PDXP: variants seen among roughly 807,000 people sequenced by gnomAD.
The protein encoded by PDXP is pyridoxal phosphatase, also known as chronophin.
A neutral mutation model predicts 14.4 loss-of-function variants in PDXP; 15 were observed. The observed-to-expected ratio is 1.04, with a 90% CI of 0.70 to 1.60. PDXP has a LOEUF of 1.60. Among genes scored for constraint, PDXP ranks in the 40% most tolerant of loss-of-function variants. PDXP has a pLI of 0.00. For missense variants in PDXP, 413 were observed against 427.6 expected (o/e 0.97, Z 0.30); for synonymous variants, 233 against 205.6 (o/e 1.13, Z -1.14).
rs1462628140 is a variant in PDXP at position 37,665,825 on chromosome 22, A to G, written c.845A>G (p.Tyr282Cys). ...GGCCAGCACGACCTCGTGCCCCATT[A>G]CTATGTGGAGAGCATCGCAGACTTG... Reference protein sequence around the residue: ...AAGQHDLVPHYYVESIADLTE... With the variant: ...AAGQHDLVPHCYVESIADLTE... Residue 282 changes from tyrosine to cysteine, a missense_variant, in exon 2 of 2, where the codon TAC becomes TGC. Transcript: ENST00000215904. 4 of 1,613,902 alleles carry G rather than the reference A, an allele frequency of 2.5e-6. No individual in the cohort carries two copies. Among genetic ancestry groups the G allele is most frequent in the Middle Eastern group, 1.6e-4 (1 of 6,062 alleles).
At position 37,658,744 on chromosome 22, in the gene PDXP, A is replaced by C; in HGVS notation, c.-39A>C. On this transcript the variant is annotated 5_prime_UTR_variant, in exon 1 of 2. Transcript: ENST00000215904. Reference sequence around the variant, plus strand: ...CAGGGAGAGCGCGCCGTGCCCGCGGAGAGAGCGCGGCGCGGGAGGCCGGCG... The same window carrying C: ...CAGGGAGAGCGCGCCGTGCCCGCGGCGAGAGCGCGGCGCGGGAGGCCGGCG... The C allele has an allele frequency of 9.2e-7, 1 of 1,082,654 alleles. No individual in the cohort carries two copies. The highest frequency in any genetic ancestry group is 1.1e-6 in the Non-Finnish European group (1 of 876,180). 67.1% of individuals were successfully genotyped at this position (1,082,654 alleles called of 1,614,324 possible).
rs936268276 is a variant in PDXP, at chr22:37,658,776, C to A, written c.-7C>A. On this transcript the variant is annotated 5_prime_UTR_variant, in exon 1 of 2. Transcript: ENST00000215904. ...GCGGCGCGGGAGGCCGGCGGCCGGC[C>A]GGCTGCATGGCGCGCTGCGAGAGGC... 3.5e-5 allele frequency: 41 copies of A among 1,166,198 alleles called. No individual in the cohort carries two copies. The highest frequency in any genetic ancestry group is 4.2e-5 in the Non-Finnish European group (40 of 945,928). The allele number at this position is 1,166,198 out of a possible 1,614,324, so 72.2% of individuals were successfully genotyped here. A position where few individuals can be genotyped will look rare whatever the true frequency, so the allele number is the denominator to read the frequency against.
chr22:37,663,397 G>A (rs1388304476), intron 1 of PDXP, among the ~76,000 whole-genome samples: 3 of 151,630 alleles, frequency 2.0e-5, no homozygotes, highest in African/African-American at 4.8e-5. Context: ...GAAGTGCAGC[G>A]GCAAGATCAC....
chr22:37,664,411 T>G (rs1404371110), intron 1 of PDXP, among the ~76,000 whole-genome samples: 1 of 152,192 alleles, frequency 6.6e-6, no homozygotes, highest in Non-Finnish European at 1.5e-5. Context: ...TGACTCTTAA[T>G]AGTACCTTCC....
At chr22:37,661,041 A>G (rs1292748128) in intron 1 of PDXP, among the ~76,000 whole-genome samples, 3 of 152,152 alleles carry the variant, frequency 2.0e-5, no homozygotes, top group Non-Finnish European at 4.4e-5. Context: ...GCCTTAGGCT[A>G]TGCTATGAAA....
intron 1 of PDXP, among the ~76,000 whole-genome samples, chr22:37,659,687 C>G (rs1243913525): frequency 1.3e-5 from 2 of 152,188 alleles, no homozygotes; most frequent in Non-Finnish European, 2.9e-5. Context: ...AGGGTTGAAA[C>G]ACCATTCCCA....
At chr22:37,664,007 C>T (rs1433180855) in intron 1 of PDXP, among the ~76,000 whole-genome samples, 2 of 149,468 alleles carry the variant, frequency 1.3e-5, no homozygotes, top group South Asian at 2.1e-4. Flanking sequence ...CTCAGCTCAC[C>T]GCAGCCTCCG....
chr22:37,660,841 T>A, intron 1 of PDXP, among the ~76,000 whole-genome samples: 1 of 152,138 alleles, frequency 6.6e-6, no homozygotes, highest in East Asian at 1.9e-4. Flanking sequence ...TGCAGGGCAG[T>A]GATAATACAC....
chr22:37,660,377 C>T lies in PDXP; in HGVS notation c.574+1021C>T, dbSNP rs770944292. Among the ~76,000 whole-genome samples the T allele has an allele frequency of 2.0e-5, 3 of 152,196 alleles. No individual in the cohort carries two copies. In the East Asian group the frequency reaches 5.8e-4, roughly 29 times the overall value. On this transcript the variant is annotated intron_variant, in intron 1 of 1. Transcript: ENST00000215904. Reference sequence around the variant, plus strand: ...CAGGCTTCCCCTCCAACCCTCCAACCGCACCCCAATGATGGGTGGGGCAGA... The same window carrying T: ...CAGGCTTCCCCTCCAACCCTCCAACTGCACCCCAATGATGGGTGGGGCAGA...
At position 37,661,331 on chromosome 22, in the gene PDXP, AGTGTGGTGTGGTGTGGTGTGTGTGTGTG is replaced by A. The variant is rs1555890111; in HGVS notation, c.574+1991_574+2018del. Among the ~76,000 whole-genome samples the A allele has an allele frequency of 6.4e-5, 6 of 93,448 alleles. No individual in the cohort carries two copies. The South Asian group carries it at 2.1e-3, about 33-fold the overall frequency. The allele number at this position is 93,448 out of a possible 152,430, so 61.3% of individuals were successfully genotyped here. A position where few individuals can be genotyped will look rare whatever the true frequency, so the allele number is the denominator to read the frequency against. The stretch of plus-strand genomic sequence containing the variant: ...GCACAGCTTGATGCAGCTTTCAAAC[AGTGTGGTGTGGTGTGGTGTGTGTGTGTG>A]GTGTGGTGTGGTGTGACAATATTAA... On this transcript the variant is annotated intron_variant, in intron 1 of 1. Coordinates refer to ENST00000215904, the MANE Select transcript of PDXP (RefSeq NM_020315.5).
rs755786722 is a variant in PDXP, at chr22:37,665,815, G to T, written c.835G>T (p.Val279Leu). 1.9e-6 allele frequency: 3 copies of T among 1,613,858 alleles called. No homozygotes were observed. In the African/African-American group the frequency reaches 4.0e-5, roughly 22 times the overall value. ...CCTAGCGGCCGGCCAGCACGACCTC[G>T]TGCCCCATTACTATGTGGAGAGCAT... ...AYLAAGQHDL[V>L]PHYYVESIAD... The change falls in exon 2 of 2, where the codon GTG (valine) becomes TTG (leucine). Residue 279 changes from valine to leucine, a missense_variant. Transcript: ENST00000215904.
chr22:37,660,171 G>A (rs1933174669), intron 1 of PDXP, among the ~76,000 whole-genome samples: 1 of 152,126 alleles, frequency 6.6e-6, no homozygotes, highest in Admixed American at 6.6e-5. Flanking sequence ...CTTCAGCATG[G>A]GCAACATAGT....
At position 37,659,112 on chromosome 22, in the gene PDXP, G is replaced by A. The variant is rs1601594913; in HGVS notation, c.330G>A (p.Val110=). 2 of 1,032,320 alleles carry A rather than the reference G, an allele frequency of 1.9e-6. No individual in the cohort carries two copies. The highest frequency in any genetic ancestry group is 8.7e-5 in the East Asian group (1 of 11,466). 63.9% of individuals were successfully genotyped at this position (1,032,320 alleles called of 1,614,324 possible). A position where few individuals can be genotyped will look rare whatever the true frequency, so the allele number is the denominator to read the frequency against. The part of the protein sequence containing the change: ...LPGPPDAPGA[V]FVLGGEGLRA... ...GGCCTCCGGACGCGCCGGGCGCCGT[G>A]TTCGTGCTGGGCGGCGAGGGGCTGC... Residue 110 remains valine (V), a synonymous_variant, in exon 1 of 2, where the codon GTG becomes GTA. Coordinates refer to ENST00000215904, the MANE Select transcript of PDXP (RefSeq NM_020315.5).
At chr22:37,664,473 G>T (rs1002085844) in intron 1 of PDXP, among the ~76,000 whole-genome samples, 23 of 152,190 alleles carry the variant, frequency 1.5e-4, no homozygotes, top group South Asian at 8.3e-4. Context: ...TGTACTCCCA[G>T]GTCAGAGCTG....
In PDXP at chr22:37,658,767, G is replaced by GCGGC. The variant is rs1255803843; in HGVS notation, c.-7_-4dup. ...GGAGAGAGCGCGGCGCGGGAGGCCG[G>GCGGC]CGGCCGGCCGGCTGCATGGCGCGCT... On this transcript the variant is annotated 5_prime_UTR_variant, in exon 1 of 2. Transcript: ENST00000215904. 3.4e-5 allele frequency: 40 copies of GCGGC among 1,160,610 alleles called. No homozygotes were observed. Among genetic ancestry groups the GCGGC allele is most frequent in the Middle Eastern group, 3.5e-4 (1 of 2,824 alleles). The allele number at this position is 1,160,610 out of a possible 1,614,324, so 71.9% of individuals were successfully genotyped here.
chr22:37,665,886 C>A lies in PDXP; in HGVS notation c.*15C>A. 6.2e-7 allele frequency: 1 copy of A among 1,603,952 alleles called. No homozygotes were observed. Among genetic ancestry groups the A allele is most frequent in the Non-Finnish European group, 8.5e-7 (1 of 1,172,774 alleles). ...TGGAGGACTGAGCCCACTGCACCTG[C>A]AGCCACAGGCCCACCCCTCCCCACT... On this transcript the variant is annotated 3_prime_UTR_variant, in exon 2 of 2. Coordinates refer to ENST00000215904, the MANE Select transcript of PDXP (RefSeq NM_020315.5).
Position 37,665,642 on chromosome 22 carries a change from G to A in PDXP, c.662G>A (p.Cys221Tyr), listed in dbSNP as rs1921049061. The A allele has an allele frequency of 6.2e-7, 1 of 1,613,994 alleles. No homozygotes were observed. The highest frequency in any genetic ancestry group is 1.6e-4 in the Middle Eastern group (1 of 6,062). ...VGKPSPYMFE[C>Y]ITENFSIDPA... The stretch of plus-strand genomic sequence containing the variant: ...AAGCCCAGCCCCTACATGTTCGAGT[G>A]CATCACGGAGAACTTCAGCATCGAC... Residue 221 changes from cysteine to tyrosine, a missense_variant, in exon 2 of 2, where the codon TGC becomes TAC. By Grantham distance (194) the Cys-to-Tyr change is radical. Coordinates refer to ENST00000215904, the MANE Select transcript of PDXP (RefSeq NM_020315.5).
At chr22:37,665,503 C>G (rs1160089891) in intron 1 of PDXP, 52 bp from the exon 2 acceptor site, 2 of 1,438,760 alleles carry the variant, frequency 1.4e-6, no homozygotes, top group East Asian at 4.8e-5. Context: ...GTTTCAGGGC[C>G]TGACGCTGTC....
chr22:37,660,794 CA>C (rs1226134549), intron 1 of PDXP, among the ~76,000 whole-genome samples: 2 of 152,154 alleles, frequency 1.3e-5, no homozygotes, highest in African/African-American at 4.8e-5. Flanking sequence ...GGCCTAGTGC[CA>C]GGGGCACCTA....
Sources: allele counts gnomAD v4.1 joint callset (sites outside exome capture counted in the v4.1 genomes callset), GRCh38; gene constraint gnomAD v4.1.1; transcripts MANE v1.5; gene names NCBI Gene and HGNC (gene_info 2026-07-23, HGNC 2026-07-21).